Variants in AGMO observed in about 807,000 individuals in gnomAD.
AGMO encodes alkylglycerol monooxygenase, also known as glyceryl-ether monooxygenase.
AGMO carries 75 observed loss-of-function variants against 60.2 expected under a neutral mutation model. That is an observed-to-expected ratio of 1.25 (90% CI 1.03 to 1.51). AGMO has a LOEUF of 1.51. Among genes scored for constraint, AGMO ranks in the 40% most tolerant of loss-of-function variants. The probability of loss-of-function intolerance (pLI) is 0.00; values close to 1 mark genes in which losing one functional copy is unlikely to be tolerated. For synonymous variants in AGMO, 261 were observed against 177.1 expected (o/e 1.47, Z -3.76); for missense variants, 763 against 525.5 (o/e 1.45, Z -4.42).
intron 5 of AGMO, among the ~76,000 whole-genome samples, chr7:15,405,318 G>A (rs1784658159): frequency 6.6e-6 from 1 of 151,718 alleles, no homozygotes; most frequent in South Asian, 2.1e-4. Context: ...TATACACTGG[G>A]AAAACAAAAA....
At chr7:15,175,378 A>G in the AGMO span, among the ~76,000 whole-genome samples, 1 of 151,960 alleles carries the variant, frequency 6.6e-6, no homozygotes, top group African/African-American at 2.4e-5. Flanking sequence ...GCAGTCTGAC[A>G]AAGAAGAGTA....
intron 3 of AGMO, among the ~76,000 whole-genome samples, chr7:15,507,469 T>C (rs192314068): frequency 1.8e-4 from 28 of 152,204 alleles, no homozygotes; most frequent in African/African-American, 4.1e-4. Context: ...TGTTTAGCTA[T>C]ACCACAGGGA....
chr7:15,414,148 C>T (rs1456099135), intron 5 of AGMO, among the ~76,000 whole-genome samples: 2 of 152,110 alleles, frequency 1.3e-5, no homozygotes, highest in Middle Eastern at 6.9e-3. Context: ...GAAGGAACTA[C>T]AGGTGCCTGC....
chr7:15,517,858 G>T (rs1291638415), intron 3 of AGMO, among the ~76,000 whole-genome samples: 1 of 152,078 alleles, frequency 6.6e-6, no homozygotes, highest in East Asian at 1.9e-4. Context: ...TGAAGCCAGG[G>T]AGCCAAGTGG....
intron 3 of AGMO, among the ~76,000 whole-genome samples, chr7:15,439,747 T>C (rs539105774): frequency 7.9e-5 from 12 of 152,312 alleles, no homozygotes; most frequent in African/African-American, 2.9e-4. Flanking sequence ...CCCACCATTA[T>C]ATTAGTTATG....
chr7:15,521,856 G>A (rs1245229997), intron 3 of AGMO, among the ~76,000 whole-genome samples: 3 of 152,174 alleles, frequency 2.0e-5, no homozygotes, highest in Non-Finnish European at 4.4e-5. Flanking sequence ...AGGGCAATCA[G>A]GCAAGAGAAA....
At chr7:15,117,862 G>T in the AGMO span, among the ~76,000 whole-genome samples, 1 of 151,868 alleles carries the variant, frequency 6.6e-6, no homozygotes, top group Non-Finnish European at 1.5e-5. Flanking sequence ...GTTTATTGAT[G>T]TATTTATTAT....
At chr7:15,497,919 G>C (rs182682366) in intron 3 of AGMO, among the ~76,000 whole-genome samples, 14 of 152,092 alleles carry the variant, frequency 9.2e-5, no homozygotes, top group African/African-American at 3.1e-4. Context: ...TCAACAAAAA[G>C]AAATATGTTT....
In AGMO at chr7:15,287,980, G is replaced by A. The variant is rs546238813; in HGVS notation, c.1263+77534C>T. 2.0e-5 allele frequency among the ~76,000 whole-genome samples: 3 copies of A among 152,062 alleles called. No individual in the cohort carries two copies. In the South Asian group the frequency reaches 6.2e-4, roughly 32 times the overall value. ...TCAGATTAATTTGACTAGAATAGCT[G>A]TCACTTTCTAAAAATGATAATGATT... On this transcript the variant is annotated intron_variant, in intron 12 of 12. Coordinates refer to ENST00000342526, the MANE Select transcript of AGMO (RefSeq NM_001004320.2).
At chr7:15,270,341 A>G (rs928348745) in intron 12 of AGMO, among the ~76,000 whole-genome samples, 1 of 151,982 alleles carries the variant, frequency 6.6e-6, no homozygotes, top group African/African-American at 2.4e-5. Context: ...ATGATATCAT[A>G]TTGAGATTTT....
chr7:15,529,631 A>G (rs1387675580), intron 3 of AGMO, among the ~76,000 whole-genome samples: 1 of 30,936 alleles, frequency 3.2e-5, no homozygotes, highest in Non-Finnish European at 5.2e-5. Context: ...ATATATATAT[A>G]GAATATATAT....
At chr7:15,327,289 T>C (rs926630167) in intron 12 of AGMO, among the ~76,000 whole-genome samples, 2 of 152,186 alleles carry the variant, frequency 1.3e-5, no homozygotes, top group Non-Finnish European at 2.9e-5. Flanking sequence ...TAGAAAATGC[T>C]TGGGGCTAGG....
At chr7:15,384,219 G>A (rs993618966) in intron 10 of AGMO, among the ~76,000 whole-genome samples, 2 of 152,170 alleles carry the variant, frequency 1.3e-5, no homozygotes, top group African/African-American at 2.4e-5. Flanking sequence ...TTACAGGCAT[G>A]AGCCACCACG....
chr7:15,365,722 A>T (rs1037522626), intron 11 of AGMO, 103 bp from the exon 12 acceptor site: 8 of 744,976 alleles, frequency 1.1e-5, no homozygotes, highest in Non-Finnish European at 1.5e-5. Flanking sequence ...AATACCTAGT[A>T]TTTTAATATA....
At chr7:15,318,965 C>T (rs1462544037) in intron 12 of AGMO, among the ~76,000 whole-genome samples, 1 of 152,138 alleles carries the variant, frequency 6.6e-6, no homozygotes, top group African/African-American at 2.4e-5. Context: ...TCACTGGCAT[C>T]TTGAAATGCT....
At chr7:15,262,160 G>C (rs1783291698) in intron 12 of AGMO, among the ~76,000 whole-genome samples, 1 of 152,016 alleles carries the variant, frequency 6.6e-6, no homozygotes, top group African/African-American at 2.4e-5. Flanking sequence ...AGGAAATCAA[G>C]GCCATCCAAA....
chr7:15,428,906 C>T (rs965399204), intron 4 of AGMO, among the ~76,000 whole-genome samples: 9 of 151,938 alleles, frequency 5.9e-5, no homozygotes, highest in South Asian at 2.1e-4. Flanking sequence ...ATTTTGGAGA[C>T]CAGCCATATA....
intron 12 of AGMO, among the ~76,000 whole-genome samples, chr7:15,276,165 G>A (rs1436788718): frequency 6.6e-6 from 1 of 152,118 alleles, no homozygotes; most frequent in African/African-American, 2.4e-5. Context: ...GTAATGGCAA[G>A]TGCTATACTT....
rs1434622130 is a variant in AGMO at position 15,375,427 on chromosome 7, G to C, written c.1075-9205C>G. On this transcript the variant is annotated intron_variant, in intron 10 of 12. Coordinates refer to ENST00000342526, the MANE Select transcript of AGMO (RefSeq NM_001004320.2). ...TTTTTTTTTTTTGAGACAGAGTCTT[G>C]CTCTGTTGCCTAGGCTGGAGTGCAG... Among the ~76,000 whole-genome samples, 5 of 120,956 alleles carry C rather than the reference G, an allele frequency of 4.1e-5. No homozygotes were observed. The East Asian group carries it at 1.2e-3, about 29-fold the overall frequency. The allele number at this position is 120,956 out of a possible 152,430, so 79.4% of individuals were successfully genotyped here.
Sources: allele counts gnomAD v4.1 joint callset (sites outside exome capture counted in the v4.1 genomes callset), GRCh38; gene constraint gnomAD v4.1.1; transcripts MANE v1.5; gene names NCBI Gene and HGNC (gene_info 2026-07-23, HGNC 2026-07-21).